Variants in SLC9A7 observed in about 807,000 individuals in gnomAD.
SLC9A7 encodes sodium/hydrogen exchanger 7.
Under a neutral mutation model 52.6 loss-of-function variants are expected in SLC9A7, and 19 were observed. The ratio of observed to expected loss-of-function variants is 0.36; its 90% CI spans 0.25 to 0.53. The LOEUF (loss-of-function observed/expected upper bound fraction) is 0.53. SLC9A7 is among the 20% of genes least tolerant of loss of function. The pLI is 0.91. For synonymous variants in SLC9A7, 226 were observed against 252.1 expected, an observed-to-expected ratio of 0.90 and a Z score of 0.98; for missense variants, 455 against 597.9, an observed-to-expected ratio of 0.76 and a Z score of 2.49.
chrX:46,630,097 G>A (rs1046166551), intron 14 of SLC9A7, among the ~76,000 whole-genome samples: 4 of 111,356 alleles, frequency 3.6e-5, no homozygotes, highest in Non-Finnish European at 7.5e-5. Context: ...TCATGGCTTT[G>A]TGTCCCTTGA....
chrX:46,630,652 C>T (rs937452440), intron 14 of SLC9A7, among the ~76,000 whole-genome samples: 1 of 112,085 alleles, frequency 8.9e-6, no homozygotes, highest in Non-Finnish European at 1.9e-5. Context: ...CAAAATCATC[C>T]CGACAGCTGC....
At position 46,662,122 on chromosome X, in the gene SLC9A7, G is replaced by T; in HGVS notation, c.935C>A (p.Thr312Asn). 8.3e-7 allele frequency: 1 copy of T among 1,210,174 alleles called. No individual in the cohort carries two copies. Among genetic ancestry groups the T allele is most frequent in the African/African-American group, 1.7e-5 (1 of 57,804 alleles). The part of the protein sequence containing the change: ...IVAYQPAGLN[T>N]HAFDAAAFFK... ...AAAGGCAGCAGCATCAAAGGCGTGA[G>T]TGTTCAGTCCCGCTGGCTGGTAGGC... is the stretch of plus-strand genomic sequence containing the variant. The change falls in exon 7 of 17, where the codon ACT (threonine) becomes AAT (asparagine). Residue 312 changes from threonine (T) to asparagine (N), a missense_variant. Physicochemically the swap from Thr to Asn is moderately conservative, Grantham distance 65. This residue lies in a region of SLC9A7 where 304 missense variants were observed against 417.8 expected (regional missense o/e 0.73). Transcript: ENST00000616978.
intron 15 of SLC9A7, among the ~76,000 whole-genome samples, chrX:46,615,245 G>A (rs1307977845): frequency 8.9e-6 from 1 of 112,131 alleles, no homozygotes; most frequent in Non-Finnish European, 1.9e-5. Context: ...GTTTCACCAT[G>A]TTGGTCAGGA....
chrX:46,615,355 C>T (rs1013622829), intron 15 of SLC9A7, among the ~76,000 whole-genome samples: 1 of 111,858 alleles, frequency 8.9e-6, no homozygotes, highest in Non-Finnish European at 1.9e-5. Context: ...GCTCTTTATA[C>T]GCGGAACCAG....
chrX:46,618,205 A>G (rs1222185329), intron 15 of SLC9A7, among the ~76,000 whole-genome samples: 1 of 111,488 alleles, frequency 9.0e-6, no homozygotes, highest in African/African-American at 3.3e-5. Context: ...CCTACTGAGG[A>G]AGAAGATGGA....
Position 46,605,010 on chromosome X carries a change from G to GA in SLC9A7, c.*1941dup, listed in dbSNP as rs1942718826. ...CATAAGAAAAACTGGCCAGTATGGT[G>GA]AAACCCCGTCTCTACTAAAAAATAC... On this transcript the variant is annotated 3_prime_UTR_variant, in exon 17 of 17. Transcript: ENST00000616978. The GA allele has an allele frequency of 9.1e-6, 1 of 110,331 alleles. No individual in the cohort carries two copies. Among genetic ancestry groups the GA allele is most frequent in the Admixed American group, 9.7e-5 (1 of 10,310 alleles). The allele number at this position is 110,331 out of a possible 1,213,427, so 9.1% of individuals were successfully genotyped here.
chrX:46,661,591 G>A (rs1053304676), intron 7 of SLC9A7, among the ~76,000 whole-genome samples: 22 of 110,465 alleles, frequency 2.0e-4, no homozygotes, highest in Non-Finnish European at 3.2e-4. Context: ...CTTTGCTTAC[G>A]GAAGGCCACT....
At chrX:46,656,323 C>T (rs1943689557) in intron 7 of SLC9A7, among the ~76,000 whole-genome samples, 1 of 112,395 alleles carries the variant, frequency 8.9e-6, no homozygotes, top group Non-Finnish European at 1.9e-5. Flanking sequence ...GCCTCTCCTC[C>T]TCCAAAGGAA....
chrX:46,714,610 C>A (rs1467456830), intron 1 of SLC9A7, among the ~76,000 whole-genome samples: 1 of 111,800 alleles, frequency 8.9e-6, no homozygotes, highest in African/African-American at 3.3e-5. Context: ...TTTTTGAGAT[C>A]CCCGACAAAT....
At chrX:46,644,076 G>A (rs947580442) in intron 11 of SLC9A7, among the ~76,000 whole-genome samples, 3 of 112,233 alleles carry the variant, frequency 2.7e-5, no homozygotes, top group African/African-American at 9.7e-5. Context: ...TCTTTCTGGA[G>A]GGGATATTTT....
chrX:46,695,448 A>G (rs1458624557), intron 1 of SLC9A7, among the ~76,000 whole-genome samples: 1 of 112,447 alleles, frequency 8.9e-6, no homozygotes. Context: ...GAAGAAACAG[A>G]GGGGAATATA....
At chrX:46,630,679 G>A (rs142683643) in intron 14 of SLC9A7, among the ~76,000 whole-genome samples, 1 of 112,138 alleles carries the variant, frequency 8.9e-6, no homozygotes, top group East Asian at 2.8e-4. Flanking sequence ...GGGATGATAT[G>A]GCAACCTCAA....
chrX:46,623,460 C>A (rs1279835907), intron 14 of SLC9A7, among the ~76,000 whole-genome samples: 7 of 111,362 alleles, frequency 6.3e-5, no homozygotes, highest in Non-Finnish European at 1.3e-4. Flanking sequence ...GAACACCTAC[C>A]CGGCCAACCT....
At chrX:46,738,656 G>GCTA (rs1188547169) in intron 1 of SLC9A7, among the ~76,000 whole-genome samples, 6 of 109,850 alleles carry the variant, frequency 5.5e-5, no homozygotes, top group Admixed American at 9.7e-5. Context: ...TGTAGTCCCA[G>GCTA]CTACTCGGGA....
chrX:46,672,682 A>T (rs1602211989), intron 3 of SLC9A7, 55 bp from the exon 4 acceptor site: 1 of 896,582 alleles, frequency 1.1e-6, no homozygotes, highest in Non-Finnish European at 1.6e-6. Context: ...TTCAACAATG[A>T]GCTTAAGAAA....
At chrX:46,748,693 C>CA (rs775286555) in intron 1 of SLC9A7, among the ~76,000 whole-genome samples, 6 of 109,380 alleles carry the variant, frequency 5.5e-5, no homozygotes, top group Non-Finnish European at 7.6e-5. Flanking sequence ...ATAAGCCAGA[C>CA]ACAAAAGACA....
chrX:46,655,850 C>A (rs1384483451), intron 7 of SLC9A7, among the ~76,000 whole-genome samples: 2 of 112,701 alleles, frequency 1.8e-5, no homozygotes, highest in Non-Finnish European at 3.8e-5. Context: ...CCGGGAAGCT[C>A]GAACTGGGTG....
intron 11 of SLC9A7, among the ~76,000 whole-genome samples, chrX:46,648,463 T>C (rs1209598891): frequency 9.0e-6 from 1 of 111,497 alleles, no homozygotes; most frequent in Non-Finnish European, 1.9e-5. Context: ...GAAATAGAAA[T>C]GCAAATATTT....
chrX:46,643,202 T>A, intron 12 of SLC9A7, 34 bp downstream of exon 12: 1 of 1,177,388 alleles, frequency 8.5e-7, no homozygotes. Flanking sequence ...CGGTGACAAC[T>A]GACATACTCA....
Sources: gnomAD v4.1 joint callset for allele counts (sites outside exome capture counted in the v4.1 genomes callset) on GRCh38, gnomAD v4.1.1 for gene constraint, gnomAD v4.1.1 regional missense constraint, MANE v1.5 for transcripts, NCBI Gene and HGNC (gene_info 2026-07-23, HGNC 2026-07-21) for gene names.